Variants in STK4 observed in about 807,000 individuals in gnomAD.
The protein encoded by STK4 is serine/threonine-protein kinase 4.
STK4 carries 30 observed loss-of-function variants against 64.9 expected under a neutral mutation model. That is an observed-to-expected ratio of 0.46 (90% CI 0.35 to 0.63). STK4 has a LOEUF of 0.63. Among genes scored for constraint, STK4 ranks in the 20% least tolerant of loss-of-function variants. STK4 has a pLI of 0.01. For missense variants in STK4, 466 were observed against 598.5 expected, an observed-to-expected ratio of 0.78 and a Z score of 2.31; for synonymous variants, 177 against 199.0, an observed-to-expected ratio of 0.89 and a Z score of 0.93.
intron 5 of STK4, among the ~76,000 whole-genome samples, chr20:44,992,527 C>T (rs2067653672): frequency 6.6e-6 from 1 of 151,530 alleles, no homozygotes; most frequent in South Asian, 2.1e-4. Context: ...GAGGTATAAG[C>T]CAGCACACCT....
At chr20:45,037,804 A>C (rs2068551351) in intron 10 of STK4, among the ~76,000 whole-genome samples, 1 of 152,156 alleles carries the variant, frequency 6.6e-6, no homozygotes, top group African/African-American at 2.4e-5. Context: ...TCAGTTACTC[A>C]TTTATTATTA....
At chr20:44,979,487 G>C (rs6031898) in intron 3 of STK4, among the ~76,000 whole-genome samples, 27,354 of 152,118 alleles carry the variant, frequency 0.18, 2,650 homozygotes, top group African/African-American at 0.22. Flanking sequence ...AACATGGGTT[G>C]GTCACTGATA....
At chr20:45,037,206 T>C (rs1369514925) in intron 10 of STK4, among the ~76,000 whole-genome samples, 1 of 151,990 alleles carries the variant, frequency 6.6e-6, no homozygotes, top group East Asian at 1.9e-4. Context: ...TGGAAGTGTG[T>C]TTTGAAAGAT....
chr20:45,005,400 C>T (rs1359148370), intron 9 of STK4, among the ~76,000 whole-genome samples: 1 of 151,932 alleles, frequency 6.6e-6, no homozygotes, highest in Non-Finnish European at 1.5e-5. Flanking sequence ...AATCCCAGCA[C>T]TTTGGGAGGC....
chr20:44,987,365 C>T lies in STK4; in HGVS notation c.525+69C>T, dbSNP rs1021611797. Reference sequence around the variant, plus strand: ...CTGAGAAGCAGTTCCTTTTATTTACCTATTTTTAAAATATAATACTTGACT... The same window carrying T: ...CTGAGAAGCAGTTCCTTTTATTTACTTATTTTTAAAATATAATACTTGACT... On this transcript the variant is annotated intron_variant, in intron 5 of 10. Coordinates refer to ENST00000372806, the MANE Select transcript of STK4 (RefSeq NM_006282.5). 9.1e-6 allele frequency: 13 copies of T among 1,430,614 alleles called. No individual in the cohort carries two copies. The Admixed American group carries it at 3.1e-4, about 34-fold the overall frequency. 88.6% of individuals were successfully genotyped at this position (1,430,614 alleles called of 1,614,324 possible). A position where few individuals can be genotyped will look rare whatever the true frequency, so the allele number is the denominator to read the frequency against.
At chr20:45,051,463 CTT>C (rs1435048781) in intron 10 of STK4, among the ~76,000 whole-genome samples, 1 of 152,056 alleles carries the variant, frequency 6.6e-6, no homozygotes, top group African/African-American at 2.4e-5. Context: ...GTTATTGTAT[CTT>C]TTAGTGAGTT....
chr20:45,055,267 A>T (rs987254786), intron 10 of STK4, among the ~76,000 whole-genome samples: 1 of 152,122 alleles, frequency 6.6e-6, no homozygotes, highest in Admixed American at 6.5e-5. Flanking sequence ...TCATTTGAGT[A>T]TGTGTTTTTA....
rs1488686825 is a variant in STK4, at chr20:44,978,433, A to G, written c.117-10A>G. The G allele has an allele frequency of 4.4e-6, 7 of 1,602,570 alleles. No individual in the cohort carries two copies. The highest frequency in any genetic ancestry group is 1.1e-5 in the South Asian group (1 of 88,616). ...ACTTTATAAATGTTCTTCTTCTCCCAAATGTATAGGTCCTATGGCAGCGTA... is the reference window on the plus strand; with the variant it reads ...ACTTTATAAATGTTCTTCTTCTCCCGAATGTATAGGTCCTATGGCAGCGTA... On this transcript the variant is annotated splice_polypyrimidine_tract_variant and intron_variant, in intron 2 of 10. Transcript: ENST00000372806.
intron 10 of STK4, among the ~76,000 whole-genome samples, chr20:45,026,872 C>G (rs772833953): frequency 1.3e-5 from 2 of 152,152 alleles, no homozygotes; most frequent in Non-Finnish European, 2.9e-5. Flanking sequence ...GCTTCAGAAT[C>G]CTTCTTAACA....
At chr20:45,047,649 T>G (rs2068717323) in intron 10 of STK4, among the ~76,000 whole-genome samples, 1 of 152,248 alleles carries the variant, frequency 6.6e-6, no homozygotes, top group African/African-American at 2.4e-5. Context: ...CTTCCCTGCT[T>G]CTTTGGTAAA....
intron 5 of STK4, among the ~76,000 whole-genome samples, chr20:44,988,533 G>GTGTGTGTATATATATATA (rs1221720136): frequency 9.8e-6 from 1 of 101,576 alleles, no homozygotes; most frequent in African/African-American, 4.8e-5. Context: ...ATGTGTGTGT[G>GTGTGTGTATATATATATA]TATATATATA....
intron 10 of STK4, among the ~76,000 whole-genome samples, chr20:45,054,042 A>T (rs1978312691): frequency 6.6e-6 from 1 of 152,102 alleles, no homozygotes; most frequent in South Asian, 2.1e-4. Flanking sequence ...GAAAGCCACC[A>T]TCTCTTTCCC....
chr20:44,978,714 GA>G, intron 3 of STK4, 143 bp downstream of exon 3: 2 of 917,616 alleles, frequency 2.2e-6, no homozygotes, highest in Non-Finnish European at 3.0e-6. Flanking sequence ...TTTCTTTTCA[GA>G]AAAAAATATG....
In STK4 at chr20:45,052,384, A is replaced by AT. The variant is rs547409699; in HGVS notation, c.1306-22626dup. ...CATTCTGCATGCATAATAAATCTTG[A>AT]TTTTTTTTCACTTAACATATCTTAA... is the stretch of plus-strand genomic sequence containing the variant. On this transcript the variant is annotated intron_variant, in intron 10 of 10. Transcript: ENST00000372806. Among the ~76,000 whole-genome samples, 234 of 152,018 alleles carry AT rather than the reference A, an allele frequency of 1.5e-3. 1 individual carries two copies. Among genetic ancestry groups the AT allele is most frequent in the African/African-American group, 5.5e-3 (226 of 41,450 alleles).
At chr20:44,970,930 T>C (rs1369133169) in intron 1 of STK4, among the ~76,000 whole-genome samples, 1 of 151,304 alleles carries the variant, frequency 6.6e-6, no homozygotes, top group Non-Finnish European at 1.5e-5. Flanking sequence ...TGTATTTAAG[T>C]CTTTTGTTGT....
At chr20:45,035,922 T>C (rs1360458692) in intron 10 of STK4, among the ~76,000 whole-genome samples, 1 of 152,236 alleles carries the variant, frequency 6.6e-6, no homozygotes, top group Admixed American at 6.5e-5. Flanking sequence ...GCATTACATA[T>C]GTTACCTCGC....
At chr20:45,034,046 A>G (rs2068488325) in intron 10 of STK4, among the ~76,000 whole-genome samples, 1 of 152,120 alleles carries the variant, frequency 6.6e-6, no homozygotes, top group Non-Finnish European at 1.5e-5. Flanking sequence ...TATAAATTAT[A>G]AACAATTTAG....
chr20:45,059,836 T>G (rs570279283), intron 10 of STK4, among the ~76,000 whole-genome samples: 1 of 152,280 alleles, frequency 6.6e-6, no homozygotes, highest in African/African-American at 2.4e-5. Flanking sequence ...TAGTTGCTTA[T>G]TTTGATTTTG....
intron 9 of STK4, among the ~76,000 whole-genome samples, chr20:45,014,141 G>A (rs79873013): frequency 5.3e-5 from 8 of 152,024 alleles, no homozygotes; most frequent in South Asian, 2.1e-4. Context: ...AAATGAAAAC[G>A]GTCCAGGATG....
Sources: allele counts gnomAD v4.1 joint callset (sites outside exome capture counted in the v4.1 genomes callset), GRCh38; gene constraint gnomAD v4.1.1; transcripts MANE v1.5; gene names NCBI Gene and HGNC (gene_info 2026-07-23, HGNC 2026-07-21).